Variants in PEBP4 observed in about 807,000 individuals in gnomAD.
PEBP4 encodes phosphatidylethanolamine binding protein 4.
A neutral mutation model predicts 23.9 loss-of-function variants in PEBP4; 22 were observed. The observed-to-expected ratio is 0.92, with a 90% confidence interval of 0.66 to 1.31. The LOEUF is 1.31. PEBP4 is among the 40% of genes most tolerant of loss of function. The pLI is 0.00. For synonymous variants in PEBP4, 112 were observed against 99.3 expected, an observed-to-expected ratio of 1.13 and a Z score of -0.76; for missense variants, 324 against 281.7, an observed-to-expected ratio of 1.15 and a Z score of -1.07.
intron 6 of PEBP4, among the ~76,000 whole-genome samples, chr8:22,718,755 TTGTGTCTGTC>T (rs1023274340): frequency 3.9e-5 from 6 of 152,070 alleles, no homozygotes; most frequent in African/African-American, 1.4e-4. Context: ...CTGAGTGTGT[TTGTGTCTGTC>T]TGTGTGTGCG....
chr8:22,835,363 G>A (rs976503369), intron 3 of PEBP4, among the ~76,000 whole-genome samples: 1 of 152,216 alleles, frequency 6.6e-6, no homozygotes, highest in East Asian at 1.9e-4. Flanking sequence ...CAGTGACCTT[G>A]ACAGCCGGAA....
At chr8:22,894,717 G>A (rs766047248) in intron 3 of PEBP4, among the ~76,000 whole-genome samples, 5 of 152,230 alleles carry the variant, frequency 3.3e-5, no homozygotes, top group Admixed American at 6.5e-5. Flanking sequence ...CAGAAGTGAA[G>A]TCTGACCCAG....
intron 1 of PEBP4, among the ~76,000 whole-genome samples, chr8:22,937,789 T>A (rs1412809323): frequency 1.3e-5 from 1 of 77,534 alleles, no homozygotes; most frequent in African/African-American, 5.9e-5. Context: ...TATGTGTGTA[T>A]GTGTATGTAT....
At position 22,713,412 on chromosome 8, in the gene PEBP4, G is replaced by A. The variant is rs1457646033; in HGVS notation, c.642C>T (p.Ser214=). ...CCGCCTGGTTTTTGTGCTTGGGCTCGCTGGCCCTTTCTCTGGGAGCCTGGA... is the reference window on the plus strand; with the variant it reads ...CCGCCTGGTTTTTGTGCTTGGGCTCACTGGCCCTTTCTCTGGGAGCCTGGA... ...PTLQAPRERA[S]EPKHKNQAEI... Residue 214 remains serine, a synonymous_variant, in exon 7 of 7, where the codon AGC becomes AGT. Coordinates refer to ENST00000256404, the MANE Select transcript of PEBP4 (RefSeq NM_144962.3). 1.1e-5 allele frequency: 18 copies of A among 1,610,240 alleles called. No homozygotes were observed. The highest frequency in any genetic ancestry group is 1.1e-4 in the East Asian group (5 of 44,844).
At chr8:22,851,930 C>T (rs1328302332) in intron 3 of PEBP4, among the ~76,000 whole-genome samples, 1 of 152,130 alleles carries the variant, frequency 6.6e-6, no homozygotes, top group Non-Finnish European at 1.5e-5. Context: ...GCTCTGACCC[C>T]AGCGCCCAGC....
intron 4 of PEBP4, among the ~76,000 whole-genome samples, chr8:22,788,067 A>G (rs575859613): frequency 2.0e-5 from 3 of 152,184 alleles, no homozygotes; most frequent in Admixed American, 2.0e-4. Context: ...GCACGGGCTC[A>G]TCCTGGGAAC....
chr8:22,920,185 T>A lies in PEBP4; in HGVS notation c.257A>T (p.Asp86Val), dbSNP rs1280289697. ...EPIVKFPGAVDGATYILVMVD... is the reference protein window; with the variant it reads ...EPIVKFPGAVVGATYILVMVD... ...TTTAACACAGCCCTGCTCACTCACG[T>A]CCACGGCCCCCGGGAACTTGACTAT... The change falls in exon 3 of 7, where the codon GAC (aspartate) becomes GTC (valine). Residue 86 changes from aspartate (D) to valine (V), a missense_variant and splice_region_variant. By Grantham distance (152) the Asp-to-Val change is radical. Transcript: ENST00000256404. 1.2e-6 allele frequency: 2 copies of A among 1,609,856 alleles called. No individual in the cohort carries two copies. Among genetic ancestry groups the A allele is most frequent in the Non-Finnish European group, 1.7e-6 (2 of 1,177,148 alleles).
intron 4 of PEBP4, among the ~76,000 whole-genome samples, chr8:22,752,863 C>T (rs1805298557): frequency 6.6e-6 from 1 of 152,224 alleles, no homozygotes. Context: ...ACATGATAGT[C>T]AAGAAAAGGC....
intron 4 of PEBP4, among the ~76,000 whole-genome samples, chr8:22,795,157 ATATATATTTTTTTTTTT>A (rs1563218536): frequency 6.5e-5 from 2 of 30,752 alleles, no homozygotes; most frequent in Non-Finnish European, 1.2e-4. Context: ...ATATATATAT[ATATATATTTTTTTTTTT>A]TTTTTTTTTT....
In PEBP4 at chr8:22,735,253, G is replaced by A. The variant is rs190618636; in HGVS notation, c.358-8033C>T. 9.9e-5 allele frequency among the ~76,000 whole-genome samples: 15 copies of A among 152,274 alleles called. No homozygotes were observed. The East Asian group carries it at 2.9e-3, about 29-fold the overall frequency. On this transcript the variant is annotated intron_variant, in intron 4 of 6. Coordinates refer to ENST00000256404, the MANE Select transcript of PEBP4 (RefSeq NM_144962.3). ...TAATTGAGGCCTAGAGGCCATGCTG[G>A]GGGGAGCAGAGATGAAGGAAGAGAT...
intron 3 of PEBP4, among the ~76,000 whole-genome samples, chr8:22,899,631 G>A (rs529128583): frequency 3.9e-5 from 6 of 152,134 alleles, no homozygotes; most frequent in Non-Finnish European, 5.9e-5. Flanking sequence ...CTCTCATCTC[G>A]GCAAAGTGGC....
At chr8:22,831,566 G>A (rs1807083895) in intron 3 of PEBP4, among the ~76,000 whole-genome samples, 1 of 152,182 alleles carries the variant, frequency 6.6e-6, no homozygotes, top group Non-Finnish European at 1.5e-5. Flanking sequence ...AGAGAGGCAT[G>A]CCTCTGCCTT....
chr8:22,807,114 C>T (rs894608810), intron 4 of PEBP4, among the ~76,000 whole-genome samples: 4 of 152,184 alleles, frequency 2.6e-5, no homozygotes, highest in Admixed American at 6.5e-5. Context: ...GAAATGATTT[C>T]GTGATTGCAA....
intron 3 of PEBP4, among the ~76,000 whole-genome samples, chr8:22,900,249 G>A (rs1808685536): frequency 6.6e-6 from 1 of 152,062 alleles, no homozygotes; most frequent in South Asian, 2.1e-4. Flanking sequence ...GGGGAGGGGT[G>A]TGAGACGACT....
chr8:22,736,781 G>C (rs1467483331), intron 4 of PEBP4, among the ~76,000 whole-genome samples: 4 of 152,182 alleles, frequency 2.6e-5, no homozygotes, highest in Non-Finnish European at 1.5e-5. Flanking sequence ...TCATTTATCT[G>C]AAGTCATATA....
At chr8:22,749,805 C>CTTTTTTTTTTTTTTTTT (rs71206545) in intron 4 of PEBP4, among the ~76,000 whole-genome samples, 3,231 of 83,446 alleles carry the variant, frequency 0.039, 635 homozygotes, top group Non-Finnish European at 0.049. Context: ...GTTTGTCATT[C>CTTTTTTTTTTTTTTTTT]TTTTTTTTTT....
At chr8:22,821,852 G>A (rs1806864346) in intron 3 of PEBP4, among the ~76,000 whole-genome samples, 1 of 152,096 alleles carries the variant, frequency 6.6e-6, no homozygotes, top group South Asian at 2.1e-4. Flanking sequence ...GGGCGTGGTG[G>A]CGGGTGCCTG....
At chr8:22,737,454 C>T (rs1051980198) in intron 4 of PEBP4, among the ~76,000 whole-genome samples, 1 of 152,208 alleles carries the variant, frequency 6.6e-6, no homozygotes, top group African/African-American at 2.4e-5. Context: ...GCGCAGGCAT[C>T]TCGCCATGGT....
intron 4 of PEBP4, among the ~76,000 whole-genome samples, chr8:22,803,810 C>T (rs1276676210): frequency 6.6e-6 from 1 of 152,222 alleles, no homozygotes; most frequent in East Asian, 1.9e-4. Context: ...TTCACTCAGG[C>T]CCCAGAGCCA....
Sources: gnomAD v4.1 joint callset for allele counts (sites outside exome capture counted in the v4.1 genomes callset) on GRCh38, gnomAD v4.1.1 for gene constraint, MANE v1.5 for transcripts, NCBI Gene and HGNC (gene_info 2026-07-23, HGNC 2026-07-21) for gene names.